Variants in MAP4K4 observed in about 807,000 individuals in gnomAD.
MAP4K4 encodes the protein HPK/GCK-like kinase HGK.
A neutral mutation model predicts 189.6 loss-of-function variants in MAP4K4; 38 were observed. The ratio of observed to expected loss-of-function variants is 0.20; its 90% CI spans 0.15 to 0.26. MAP4K4 has a LOEUF of 0.26. Among genes scored for constraint, MAP4K4 ranks in the 10% least tolerant of loss-of-function variants. The probability of loss-of-function intolerance (pLI) is 1.00; values close to 1 mark genes in which losing one functional copy is unlikely to be tolerated. For missense variants in MAP4K4, 1,054 were observed against 1,726.9 expected (o/e 0.61, Z 6.91); for synonymous variants, 610 against 624.3 (o/e 0.98, Z 0.34).
chr2:101,870,549 C>A (rs1222275209), intron 23 of MAP4K4, 134 bp downstream of exon 23: 2 of 1,279,666 alleles, frequency 1.6e-6, no homozygotes, highest in Non-Finnish European at 1.1e-6. Flanking sequence ...GGTCAAGTGT[C>A]GAGTGTCGGG....
intron 2 of MAP4K4, among the ~76,000 whole-genome samples, chr2:101,759,050 G>A (rs977351497): frequency 1.3e-5 from 2 of 151,460 alleles, no homozygotes; most frequent in African/African-American, 2.4e-5. Context: ...GGAGAATGGC[G>A]TAAACCCGGG....
Position 101,860,806 on chromosome 2 carries a change from T to C in MAP4K4, c.1705-19T>C. 6.3e-7 allele frequency: 1 copy of C among 1,594,200 alleles called. No individual in the cohort carries two copies. The highest frequency in any genetic ancestry group is 8.5e-7 in the Non-Finnish European group (1 of 1,169,680). ...TCCCCTACTAACACTGAGTTATGTC[T>C]TCTAATTCTCTGATGCAGGTGGAAG... is the stretch of plus-strand genomic sequence containing the variant. On this transcript the variant is annotated intron_variant, in intron 15 of 32. Coordinates refer to ENST00000324219, the Ensembl canonical transcript of MAP4K4.
intron 3 of MAP4K4, among the ~76,000 whole-genome samples, chr2:101,810,020 T>G (rs2095312801): frequency 6.6e-6 from 1 of 152,248 alleles, no homozygotes; most frequent in Non-Finnish European, 1.5e-5. Flanking sequence ...ATTGGAAGAT[T>G]CATTGTCTAA....
intron 2 of MAP4K4, among the ~76,000 whole-genome samples, chr2:101,698,888 AG>A (rs1305767836): frequency 1.3e-5 from 2 of 152,200 alleles, no homozygotes; most frequent in Admixed American, 1.3e-4. Flanking sequence ...ATTGAAATAC[AG>A]TGGAGGCGGG....
chr2:101,880,476 T>A (rs1233679411), intron 27 of MAP4K4, among the ~76,000 whole-genome samples: 2 of 152,162 alleles, frequency 1.3e-5, no homozygotes, highest in East Asian at 3.8e-4. Flanking sequence ...TTGCTTGTGC[T>A]CCTTTGTAGA....
At chr2:101,797,502 C>A in intron 3 of MAP4K4, 1 of 807,398 alleles carries the variant, frequency 1.2e-6, no homozygotes, top group Non-Finnish European at 1.7e-6. Context: ...ACTAATGTGC[C>A]ATGTTTGTGG....
chr2:101,784,308 GTT>G (rs879849452), intron 2 of MAP4K4, among the ~76,000 whole-genome samples: 89 of 149,178 alleles, frequency 6.0e-4, no homozygotes, highest in Non-Finnish European at 1.0e-3. Flanking sequence ...GTGTGTGTGT[GTT>G]TTTAAACACC....
chr2:101,842,676 G>A, exon 11 of MAP4K4: 1 of 1,606,488 alleles, frequency 6.2e-7, no homozygotes, highest in South Asian at 1.1e-5. Context: ...AGGAAGGAGA[G>A]CCAAGGTAAC....
intron 2 of MAP4K4, among the ~76,000 whole-genome samples, chr2:101,765,472 G>T (rs1004416658): frequency 6.6e-6 from 1 of 152,108 alleles, no homozygotes; most frequent in Non-Finnish European, 1.5e-5. Flanking sequence ...TGGGAGGTGC[G>T]CGCCACCATG....
At chr2:101,859,304 A>G (rs1287070841) in intron 14 of MAP4K4, among the ~76,000 whole-genome samples, 3 of 152,238 alleles carry the variant, frequency 2.0e-5, no homozygotes, top group African/African-American at 7.2e-5. Context: ...TGGTAGACCA[A>G]CAAGGTTTTG....
At chr2:101,760,537 T>C (rs2150158720) in intron 2 of MAP4K4, among the ~76,000 whole-genome samples, 1 of 144,322 alleles carries the variant, frequency 6.9e-6, no homozygotes, top group South Asian at 2.1e-4. Flanking sequence ...TATATGTGTG[T>C]GTGTGTGTGT....
At position 101,889,704 on chromosome 2, in the gene MAP4K4, G is replaced by A. The variant is rs140001108; in HGVS notation, c.4071+769G>A. 2.0e-3 allele frequency among the ~76,000 whole-genome samples: 302 copies of A among 152,300 alleles called. 1 individual carries two copies. Among genetic ancestry groups the A allele is most frequent in the African/African-American group, 6.9e-3 (287 of 41,544 alleles). The stretch of plus-strand genomic sequence containing the variant: ...CTGACTACCTAAGGCAAGACACCAC[G>A]ACCTTTGAAACTTGGCCCTGAAGAA... On this transcript the variant is annotated intron_variant, in intron 32 of 32. Transcript: ENST00000324219.
intron 12 of MAP4K4, among the ~76,000 whole-genome samples, chr2:101,850,215 G>C (rs57407564): frequency 6.6e-6 from 1 of 152,052 alleles, no homozygotes; most frequent in Non-Finnish European, 1.5e-5. Flanking sequence ...ATCCCAAAGG[G>C]ATTTCTACAA....
chr2:101,845,650 ATAT>A (rs2097082928), intron 12 of MAP4K4, among the ~76,000 whole-genome samples: 4 of 152,208 alleles, frequency 2.6e-5, no homozygotes, highest in Admixed American at 2.6e-4. Context: ...TAAAAATATG[ATAT>A]TATAATTTTA....
chr2:101,886,091 C>T lies in MAP4K4; in HGVS notation c.3621+804C>T, dbSNP rs75030475. 9.0e-3 allele frequency among the ~76,000 whole-genome samples: 1,376 copies of T among 152,140 alleles called. 25 individuals are homozygous for T. The highest frequency in any genetic ancestry group is 0.031 in the African/African-American group (1,292 of 41,502). On this transcript the variant is annotated intron_variant, in intron 29 of 32. Transcript: ENST00000324219. The stretch of plus-strand genomic sequence containing the variant: ...GCAGGATAGATGGAGTCACAATATT[C>T]GCTTAAAAAATAATATTCACTTAAA...
At chr2:101,722,598 A>C (rs1163203878) in intron 2 of MAP4K4, among the ~76,000 whole-genome samples, 1 of 152,212 alleles carries the variant, frequency 6.6e-6, no homozygotes, top group African/African-American at 2.4e-5. Context: ...ATTAGCTTAA[A>C]GTTTTCAACT....
intron 2 of MAP4K4, among the ~76,000 whole-genome samples, chr2:101,709,499 G>T (rs1157547335): frequency 6.6e-6 from 1 of 152,156 alleles, no homozygotes; most frequent in Non-Finnish European, 1.5e-5. Flanking sequence ...CACTGTGCCT[G>T]GCTTTAAGTC....
chr2:101,715,783 G>A (rs2048035304), intron 2 of MAP4K4, among the ~76,000 whole-genome samples: 1 of 152,128 alleles, frequency 6.6e-6, no homozygotes, highest in Non-Finnish European at 1.5e-5. Context: ...ACTGGTCCTT[G>A]ACCTAATAGG....
At chr2:101,871,505 C>T in exon 24 of MAP4K4, 1 of 1,534,810 alleles carries the variant, frequency 6.5e-7, no homozygotes, top group East Asian at 2.4e-5. Context: ...GTACAGTTGA[C>T]CAAAAGCGTG....
Sources: allele counts gnomAD v4.1 joint callset (sites outside exome capture counted in the v4.1 genomes callset), GRCh38; gene constraint gnomAD v4.1.1; transcripts MANE v1.5; gene names NCBI Gene and HGNC (gene_info 2026-07-23, HGNC 2026-07-21).